TP73: variants seen among roughly 807,000 people sequenced by gnomAD.
The protein encoded by TP73 is p53-like transcription factor.
TP73 carries 25 observed loss-of-function variants against 62.5 expected under a neutral mutation model. The ratio of observed to expected loss-of-function variants is 0.40; its 90% CI spans 0.29 to 0.56. The LOEUF (loss-of-function observed/expected upper bound fraction) is 0.56, where lower values mean the gene tolerates loss of function less well. TP73 is among the 20% of genes least tolerant of loss of function. The pLI is 0.46. For synonymous variants in TP73, 423 were observed against 377.5 expected (o/e 1.12, Z -1.40); for missense variants, 754 against 913.3 (o/e 0.83, Z 2.25).
At chr1:3,656,406 G>A (rs181492261) in intron 1 of TP73, among the ~76,000 whole-genome samples, 1 of 152,320 alleles carries the variant, frequency 6.6e-6, no homozygotes, top group Non-Finnish European at 1.5e-5. Flanking sequence ...AGATAATCCA[G>A]CCCAACTCTT....
chr1:3,674,288 C>T (rs571630383), intron 1 of TP73, among the ~76,000 whole-genome samples: 103 of 152,328 alleles, frequency 6.8e-4, no homozygotes, highest in African/African-American at 2.4e-3. Flanking sequence ...TCCCGCTTCC[C>T]GTGGGCCACG....
chr1:3,727,638 C>G lies in TP73; in HGVS notation c.853C>G (p.Leu285Val). The change falls in exon 8 of 14, where the codon CTG becomes GTG. Residue 285 changes from leucine (L) to valine (V), a missense_variant. Around this residue, in one of 3 missense-constraint regions of TP73, gnomAD observed 458 missense variants for 528.7 expected, o/e 0.87. Transcript: ENST00000378295. ...GTGCCCACCCGACAGTGGGCAGGTG[C>G]TGGGCCGCCGGTCCTTTGAGGGCCG... The part of the protein sequence containing the change: ...ITLEMRDGQV[L>V]GRRSFEGRIC... 6.3e-7 allele frequency: 1 copy of G among 1,599,692 alleles called. No individual in the cohort carries two copies. Among genetic ancestry groups the G allele is most frequent in the Middle Eastern group, 1.7e-4 (1 of 6,038 alleles).
chr1:3,656,334 C>T (rs527656260), intron 1 of TP73, among the ~76,000 whole-genome samples: 7 of 152,364 alleles, frequency 4.6e-5, no homozygotes, highest in South Asian at 4.1e-4. Context: ...GCTAAACACT[C>T]GCTCATCCAA....
At chr1:3,728,838 G>A (rs1298686007) in intron 9 of TP73, among the ~76,000 whole-genome samples, 3 of 152,156 alleles carry the variant, frequency 2.0e-5, no homozygotes, top group South Asian at 2.1e-4. Context: ...TGGTGGTGGC[G>A]TGCAGCTGCA....
Position 3,696,033 on chromosome 1 carries a change from G to A in TP73, c.187-11516G>A, listed in dbSNP as rs1557525190. Among the ~76,000 whole-genome samples the A allele has an allele frequency of 6.6e-6, 1 of 152,214 alleles. No homozygotes were observed. Among genetic ancestry groups the A allele is most frequent in the Admixed American group, 6.5e-5 (1 of 15,288 alleles). On this transcript the variant is annotated intron_variant, in intron 3 of 13. Coordinates refer to ENST00000378295, the MANE Select transcript of TP73 (RefSeq NM_005427.4). This position sits in a 1 kb window ranked among gnomAD's most constrained non-coding sequence, Gnocchi z 4.1. The stretch of plus-strand genomic sequence containing the variant: ...GGCCGTGGCTGTGTTGGAGATGCCC[G>A]GCAGCCATTGCATAGCTGAGAAGGA...
intron 5 of TP73, among the ~76,000 whole-genome samples, chr1:3,723,002 G>A (rs948213288): frequency 1.4e-5 from 2 of 146,630 alleles, no homozygotes; most frequent in Non-Finnish European, 3.0e-5. Flanking sequence ...ATGGGGCTGG[G>A]CATCTCTGCA....
intron 1 of TP73, among the ~76,000 whole-genome samples, chr1:3,678,047 C>A (rs1273386847): frequency 6.6e-6 from 1 of 152,156 alleles, no homozygotes. Context: ...CCTACACTTC[C>A]AATAATGTAT....
intron 4 of TP73, among the ~76,000 whole-genome samples, chr1:3,713,034 G>A (rs1487761904): frequency 2.0e-5 from 3 of 152,228 alleles, no homozygotes; most frequent in East Asian, 1.9e-4. Flanking sequence ...TGACACCTCA[G>A]AGGGACCTGC....
chr1:3,688,922 G>A (rs962978228), intron 3 of TP73, among the ~76,000 whole-genome samples: 1 of 152,134 alleles, frequency 6.6e-6, no homozygotes, highest in African/African-American at 2.4e-5. Flanking sequence ...AAACCATCAG[G>A]CCGGCCCTGT....
intron 4 of TP73, among the ~76,000 whole-genome samples, chr1:3,713,658 A>G (rs1224889057): frequency 6.6e-6 from 1 of 152,182 alleles, no homozygotes; most frequent in Non-Finnish European, 1.5e-5. Context: ...GCCTCTGGGT[A>G]GAGAAGGCCC....
chr1:3,710,390 G>C (rs1167500832), intron 4 of TP73, among the ~76,000 whole-genome samples: 1 of 152,180 alleles, frequency 6.6e-6, no homozygotes, highest in Non-Finnish European at 1.5e-5. Context: ...GGGCAGGCAA[G>C]TGGTCGGCTC....
intron 7 of TP73, 61 bp from the exon 8 acceptor site, chr1:3,727,567 G>A (rs2124519864): frequency 1.3e-6 from 2 of 1,555,514 alleles, no homozygotes; most frequent in Non-Finnish European, 1.7e-6. Context: ...GGGTGGGGAA[G>A]GTGGGCAGGT....
chr1:3,655,042 T>A (rs1644836408), intron 1 of TP73, among the ~76,000 whole-genome samples: 1 of 152,200 alleles, frequency 6.6e-6, no homozygotes, highest in South Asian at 2.1e-4. Flanking sequence ...CAAAGTGACA[T>A]CGCGTACACG....
At chr1:3,709,419 A>G (rs1639949751) in intron 4 of TP73, among the ~76,000 whole-genome samples, 1 of 152,218 alleles carries the variant, frequency 6.6e-6, no homozygotes. Flanking sequence ...GATGGAGATA[A>G]GGATGGGAAG....
rs993444309 is a variant in TP73 at position 3,663,830 on chromosome 1, G to T, written c.-34+11189G>T. Reference sequence around the variant, plus strand: ...GGTCTGTGACCTAATTCAGAGGAAGGCCAGAGAACTCTTTTATGGCCTGCC... The same window carrying T: ...GGTCTGTGACCTAATTCAGAGGAAGTCCAGAGAACTCTTTTATGGCCTGCC... On this transcript the variant is annotated intron_variant, in intron 1 of 13. Coordinates refer to ENST00000378295, the MANE Select transcript of TP73 (RefSeq NM_005427.4). This position sits in a 1 kb window ranked among gnomAD's most constrained non-coding sequence, Gnocchi z 4.7. Among the ~76,000 whole-genome samples the T allele has an allele frequency of 6.6e-6, 1 of 152,212 alleles. No homozygotes were observed. The highest frequency in any genetic ancestry group is 6.5e-5 in the Admixed American group (1 of 15,288).
At chr1:3,723,223 G>C (rs551708284) in intron 5 of TP73, 131 bp from the exon 6 acceptor site, 4 of 697,348 alleles carry the variant, frequency 5.7e-6, no homozygotes, top group Non-Finnish European at 1.0e-5. Context: ...GCACGGGGCT[G>C]GGTACCTCTC....
chr1:3,682,483 G>T, intron 2 of TP73, 53 bp downstream of exon 2: 1 of 1,402,796 alleles, frequency 7.1e-7, no homozygotes, highest in Non-Finnish European at 9.5e-7. Context: ...GGCACTCTGG[G>T]CTAGCCTCAG....
At chr1:3,660,370 T>A (rs1369592939) in intron 1 of TP73, among the ~76,000 whole-genome samples, 1 of 152,228 alleles carries the variant, frequency 6.6e-6, no homozygotes, top group Non-Finnish European at 1.5e-5. Flanking sequence ...TCAACCTTAG[T>A]TCCTTAAAGC....
chr1:3,655,415 G>A (rs1303072320), intron 1 of TP73, among the ~76,000 whole-genome samples: 1 of 152,218 alleles, frequency 6.6e-6, no homozygotes, highest in Non-Finnish European at 1.5e-5. Flanking sequence ...TACTTTTGGT[G>A]TGTGTTTCAT....
Sources: allele counts gnomAD v4.1 joint callset (sites outside exome capture counted in the v4.1 genomes callset), GRCh38; gene constraint gnomAD v4.1.1; regional missense constraint gnomAD v4.1.1; non-coding constraint Gnocchi (gnomAD v3.1); transcripts MANE v1.5; gene names NCBI Gene and HGNC (gene_info 2026-07-23, HGNC 2026-07-21).